Variants in FMN2 observed in about 807,000 individuals in gnomAD.
The protein encoded by FMN2 is formin 2, also known as formin-2.
A neutral mutation model predicts 142.3 loss-of-function variants in FMN2; 51 were observed. The ratio of observed to expected loss-of-function variants is 0.36; its 90% confidence interval spans 0.29 to 0.45. The LOEUF is 0.45. Among genes scored for constraint, FMN2 ranks in the 20% least tolerant of loss-of-function variants. The pLI is 1.00. For missense variants in FMN2, 1,936 were observed against 2,122.8 expected (o/e 0.91, Z 1.73); for synonymous variants, 882 against 869.8 (o/e 1.01, Z -0.25).
intron 8 of FMN2, among the ~76,000 whole-genome samples, chr1:240,325,830 C>T (rs764874868): frequency 3.0e-4 from 46 of 152,294 alleles, no homozygotes; most frequent in Admixed American, 2.0e-3. Flanking sequence ...TTTCTGAGCA[C>T]AAGACGGCTG....
chr1:240,139,799 C>T (rs1470356160), intron 2 of FMN2, among the ~76,000 whole-genome samples: 5 of 152,060 alleles, frequency 3.3e-5, no homozygotes, highest in African/African-American at 9.7e-5. Context: ...GTGATTAGCT[C>T]TGTGCACTTG....
At chr1:240,468,218 G>A (rs1464181540) in intron 16 of FMN2, among the ~76,000 whole-genome samples, 15 of 133,472 alleles carry the variant, frequency 1.1e-4, no homozygotes, top group Admixed American at 1.1e-3. Context: ...GTGTGTGTGT[G>A]TGTGTGTGTG....
chr1:240,205,696 C>T (rs181176025), intron 4 of FMN2, among the ~76,000 whole-genome samples: 10 of 151,688 alleles, frequency 6.6e-5, no homozygotes, highest in East Asian at 5.9e-4. Context: ...CTCCTGACCT[C>T]GTGATCCACC....
intron 2 of FMN2, among the ~76,000 whole-genome samples, chr1:240,158,627 C>T (rs188048808): frequency 2.0e-5 from 3 of 152,244 alleles, no homozygotes; most frequent in Admixed American, 1.3e-4. Flanking sequence ...TTTGATCCAT[C>T]TCCCAATAAG....
At chr1:240,361,132 AATATATGTGTATAT>A (rs1197848496) in intron 14 of FMN2, among the ~76,000 whole-genome samples, 7 of 35,734 alleles carry the variant, frequency 2.0e-4, no homozygotes, top group African/African-American at 2.7e-4. Context: ...ATAATAAATA[AATATATGTGTATAT>A]ATATATATAT....
chr1:240,122,505 A>G (rs1558306222), intron 1 of FMN2, among the ~76,000 whole-genome samples: 1 of 151,006 alleles, frequency 6.6e-6, no homozygotes, highest in East Asian at 2.0e-4. Context: ...CTGGTCTTGA[A>G]CTCCTGACCT....
chr1:240,268,389 A>G (rs1668886531), intron 7 of FMN2, among the ~76,000 whole-genome samples: 1 of 152,078 alleles, frequency 6.6e-6, no homozygotes, highest in South Asian at 2.1e-4. Flanking sequence ...GCATGACTAC[A>G]TGTTTGGACT....
At chr1:240,383,251 AAAT>A (rs902132089) in intron 14 of FMN2, among the ~76,000 whole-genome samples, 5 of 152,016 alleles carry the variant, frequency 3.3e-5, no homozygotes, top group African/African-American at 1.2e-4. Flanking sequence ...ACAGAATAAA[AAAT>A]AGATAAATGG....
chr1:240,170,417 T>G, intron 2 of FMN2: 1 of 1,254,512 alleles, frequency 8.0e-7, no homozygotes, highest in Non-Finnish European at 1.2e-6. Context: ...GTTGCTAAGC[T>G]GAAGGCGGGT....
chr1:240,450,581 A>T (rs929003443), intron 16 of FMN2, among the ~76,000 whole-genome samples: 5 of 152,026 alleles, frequency 3.3e-5, no homozygotes, highest in African/African-American at 1.2e-4. Context: ...TCCACCTCCG[A>T]TTGATTATAG....
At chr1:240,314,025 A>C (rs1465742018) in intron 8 of FMN2, among the ~76,000 whole-genome samples, 1 of 151,846 alleles carries the variant, frequency 6.6e-6, no homozygotes, top group East Asian at 1.9e-4. Flanking sequence ...TAACGTGTAC[A>C]TTTTTTTTCA....
At chr1:240,427,493 C>T (rs1674999203) in intron 15 of FMN2, among the ~76,000 whole-genome samples, 2 of 152,200 alleles carry the variant, frequency 1.3e-5, no homozygotes, top group South Asian at 4.1e-4. Flanking sequence ...GCATGAGCCA[C>T]CGCACCTGGC....
At chr1:240,318,747 G>C (rs1393673096) in intron 8 of FMN2, among the ~76,000 whole-genome samples, 1 of 152,184 alleles carries the variant, frequency 6.6e-6, no homozygotes, top group Non-Finnish European at 1.5e-5. Flanking sequence ...GATGATTTAG[G>C]GGAGACCAAT....
intron 13 of FMN2, among the ~76,000 whole-genome samples, chr1:240,339,616 G>A (rs1012077871): frequency 6.6e-5 from 10 of 151,934 alleles, no homozygotes; most frequent in Admixed American, 2.0e-4. Context: ...TATCTGTTTA[G>A]CATAGGAACT....
intron 15 of FMN2, among the ~76,000 whole-genome samples, chr1:240,403,531 G>A (rs1674055477): frequency 1.3e-5 from 2 of 152,278 alleles, no homozygotes; most frequent in African/African-American, 4.8e-5. Flanking sequence ...CTACTCGAGA[G>A]GTTGAGGCAA....
intron 16 of FMN2, among the ~76,000 whole-genome samples, chr1:240,471,373 T>G (rs1676802895): frequency 6.6e-6 from 1 of 151,826 alleles, no homozygotes; most frequent in South Asian, 2.1e-4. Flanking sequence ...TTCTTTTTTT[T>G]TTTTTTGAGA....
chr1:240,395,020 A>G (rs1673728841), intron 15 of FMN2, among the ~76,000 whole-genome samples: 1 of 152,136 alleles, frequency 6.6e-6, no homozygotes, highest in Admixed American at 6.5e-5. Flanking sequence ...AGAAAACAGG[A>G]TGACTGTCTT....
At chr1:240,124,614 A>T (rs1662424082) in intron 2 of FMN2, among the ~76,000 whole-genome samples, 1 of 152,124 alleles carries the variant, frequency 6.6e-6, no homozygotes, top group Non-Finnish European at 1.5e-5. Context: ...TCTCATAACA[A>T]AATTGAAGGT....
intron 6 of FMN2, among the ~76,000 whole-genome samples, chr1:240,238,177 G>T (rs948307127): frequency 6.6e-6 from 1 of 152,200 alleles, no homozygotes; most frequent in Non-Finnish European, 1.5e-5. Flanking sequence ...GCAGCTGACT[G>T]TAGTGCTTTG....
Sources: allele counts gnomAD v4.1 joint callset (sites outside exome capture counted in the v4.1 genomes callset), GRCh38; gene constraint gnomAD v4.1.1; transcripts MANE v1.5; gene names NCBI Gene and HGNC (gene_info 2026-07-23, HGNC 2026-07-21).